CSMD1: variants seen among roughly 807,000 people sequenced by gnomAD.
The protein encoded by CSMD1 is CUB and sushi domain-containing protein 1.
CSMD1 carries 213 observed loss-of-function variants against 417.5 expected under a neutral mutation model. That is an observed-to-expected ratio of 0.51 (90% CI 0.46 to 0.57). The LOEUF (loss-of-function observed/expected upper bound fraction) is 0.57, where lower values mean the gene tolerates loss of function less well. Among genes scored for constraint, CSMD1 ranks in the 20% least tolerant of loss-of-function variants. The pLI, the probability that CSMD1 is intolerant of heterozygous loss-of-function variation, is 0.00. For synonymous variants in CSMD1, 2,862 were observed against 1,736.8 expected (o/e 1.65, Z -16.11); for missense variants, 6,923 against 4,529.7 (o/e 1.53, Z -15.17).
intron 2 of CSMD1, among the ~76,000 whole-genome samples, chr8:4,435,845 C>T (rs905964151): frequency 6.6e-6 from 1 of 152,174 alleles, no homozygotes; most frequent in Non-Finnish European, 1.5e-5. Context: ...GACTCCAAAG[C>T]TCACCTTCCA....
At chr8:4,237,423 G>C (rs894166022) in intron 3 of CSMD1, among the ~76,000 whole-genome samples, 1 of 152,084 alleles carries the variant, frequency 6.6e-6, no homozygotes, top group African/African-American at 2.4e-5. Flanking sequence ...AGTTTTTTGT[G>C]AATATTTAAT....
chr8:3,885,549 G>A (rs981144989), intron 5 of CSMD1, among the ~76,000 whole-genome samples: 3 of 152,140 alleles, frequency 2.0e-5, no homozygotes, highest in African/African-American at 7.2e-5. Flanking sequence ...AAAAAGAACT[G>A]TTGCTCCACC....
At chr8:3,733,798 T>G (rs1389033402) in intron 6 of CSMD1, among the ~76,000 whole-genome samples, 2 of 152,206 alleles carry the variant, frequency 1.3e-5, no homozygotes, top group Admixed American at 6.5e-5. Flanking sequence ...GATACTTGCA[T>G]ACTGTTAGAA....
intron 3 of CSMD1, among the ~76,000 whole-genome samples, chr8:4,401,770 C>A (rs917350892): frequency 2.0e-5 from 3 of 152,062 alleles, no homozygotes; most frequent in Admixed American, 2.0e-4. Context: ...GAACATAGTC[C>A]CCGCAGCCCT....
intron 5 of CSMD1, among the ~76,000 whole-genome samples, chr8:3,995,236 T>C (rs1242004894): frequency 6.6e-6 from 1 of 152,196 alleles, no homozygotes; most frequent in Non-Finnish European, 1.5e-5. Flanking sequence ...TTTCCATAGT[T>C]ATTTAGGAGA....
In CSMD1 at chr8:4,835,846, A is replaced by G. The variant is rs979328336; in HGVS notation, c.85+158486T>C. ...ATGGAATTACTTGTACATCAAGCCA[A>G]CTACTATGGTCACTAAGTGTTGGTT... On this transcript the variant is annotated intron_variant, in intron 1 of 69. Coordinates refer to ENST00000635120, the MANE Select transcript of CSMD1 (RefSeq NM_033225.6). Among the ~76,000 whole-genome samples, 6 of 151,786 alleles carry G rather than the reference A, an allele frequency of 4.0e-5. No individual in the cohort carries two copies. The Admixed American group carries it at 4.0e-4, about 10-fold the overall frequency.
At position 3,289,800 on chromosome 8, in the gene CSMD1, T is replaced by C. The variant is rs1182298270; in HGVS notation, c.3951-5454A>G. On this transcript the variant is annotated intron_variant, in intron 25 of 69. Transcript: ENST00000635120. ...TTGCCTGTTCACTCTGATGGTAGTT[T>C]CTTTTGCTGTGCAGAAGCTCTTTAG... 1.4e-5 allele frequency among the ~76,000 whole-genome samples: 2 copies of C among 147,512 alleles called. 1 individual carries two copies. Among genetic ancestry groups the C allele is most frequent in the African/African-American group, 5.4e-5 (2 of 37,208 alleles).
At chr8:4,245,313 G>C (rs1421774590) in intron 3 of CSMD1, among the ~76,000 whole-genome samples, 4 of 152,270 alleles carry the variant, frequency 2.6e-5, no homozygotes, top group South Asian at 2.1e-4. Flanking sequence ...ATAAAAGTAT[G>C]TACTTGGGCT....
intron 3 of CSMD1, among the ~76,000 whole-genome samples, chr8:4,101,341 G>T (rs547328624): frequency 1.7e-4 from 26 of 152,272 alleles, no homozygotes; most frequent in African/African-American, 5.5e-4. Flanking sequence ...CAGTGCAAAT[G>T]GGCAGCCCTA....
chr8:4,127,106 C>G (rs1414118232), intron 3 of CSMD1, among the ~76,000 whole-genome samples: 1 of 151,974 alleles, frequency 6.6e-6, no homozygotes, highest in African/African-American at 2.4e-5. Flanking sequence ...TCCTAGTTAT[C>G]TGATTCACCC....
At chr8:4,892,346 C>G (rs1243439205) in intron 1 of CSMD1, among the ~76,000 whole-genome samples, 1 of 152,096 alleles carries the variant, frequency 6.6e-6, no homozygotes. Context: ...GCCATCTCCA[C>G]AGCAAGAAAA....
chr8:4,149,041 G>C (rs1473090242), intron 3 of CSMD1, among the ~76,000 whole-genome samples: 1 of 150,530 alleles, frequency 6.6e-6, no homozygotes, highest in Non-Finnish European at 1.5e-5. Context: ...TTTGCTCACT[G>C]CAACCTCCAC....
At chr8:3,122,593 A>G (rs1184993840) in intron 41 of CSMD1, among the ~76,000 whole-genome samples, 1 of 152,126 alleles carries the variant, frequency 6.6e-6, no homozygotes, top group Non-Finnish European at 1.5e-5. Context: ...ATTGCATCAG[A>G]GGGTCCAATC....
intron 3 of CSMD1, among the ~76,000 whole-genome samples, chr8:4,051,915 T>TTCCTTC (rs1563058913): frequency 9.5e-5 from 13 of 137,092 alleles, no homozygotes; most frequent in African/African-American, 3.1e-4. Context: ...TTCCTTCCTT[T>TTCCTTC]CTTTCTTTTT....
intron 5 of CSMD1, among the ~76,000 whole-genome samples, chr8:3,876,346 T>C (rs1805821098): frequency 6.6e-6 from 1 of 152,208 alleles, no homozygotes; most frequent in Non-Finnish European, 1.5e-5. Context: ...GACTGTTGTG[T>C]TAGTTTTCAT....
chr8:3,718,169 T>C (rs967594958), intron 6 of CSMD1, among the ~76,000 whole-genome samples: 1 of 152,350 alleles, frequency 6.6e-6, no homozygotes, highest in Non-Finnish European at 1.5e-5. Flanking sequence ...GTCTGTACAT[T>C]ACGAGAAGCG....
chr8:4,675,643 A>C (rs1364919694), intron 1 of CSMD1, among the ~76,000 whole-genome samples: 2 of 152,214 alleles, frequency 1.3e-5, no homozygotes, highest in Non-Finnish European at 2.9e-5. Context: ...AGTAAGCAGG[A>C]TATCTTTCTG....
rs557241380 is a variant in CSMD1 at position 4,293,524 on chromosome 8, T to A, written c.415+126429A>T. On this transcript the variant is annotated intron_variant, in intron 3 of 69. Transcript: ENST00000635120. ...TTTTATACTTACTTTAAAAGAACACTAACCATGAAATAGACTTGTCACCCC... is the reference window on the plus strand; with the variant it reads ...TTTTATACTTACTTTAAAAGAACACAAACCATGAAATAGACTTGTCACCCC... Among the ~76,000 whole-genome samples the A allele has an allele frequency of 5.9e-5, 9 of 152,338 alleles. No individual in the cohort carries two copies. In the South Asian group the frequency reaches 1.2e-3, roughly 21 times the overall value.
chr8:3,064,815 C>G (rs931217359), intron 49 of CSMD1, among the ~76,000 whole-genome samples: 3 of 152,128 alleles, frequency 2.0e-5, no homozygotes, highest in Non-Finnish European at 2.9e-5. Context: ...TAAGCAAATT[C>G]CAACTTAAAA....
Sources: allele counts gnomAD v4.1 joint callset (sites outside exome capture counted in the v4.1 genomes callset), GRCh38; gene constraint gnomAD v4.1.1; transcripts MANE v1.5; gene names NCBI Gene and HGNC (gene_info 2026-07-23, HGNC 2026-07-21).